CREB5: variants seen among roughly 807,000 people sequenced by gnomAD.
CREB5 encodes cyclic AMP-responsive element-binding protein 5.
A neutral mutation model predicts 57.1 loss-of-function variants in CREB5; 19 were observed. The ratio of observed to expected loss-of-function variants is 0.33; its 90% CI spans 0.23 to 0.49. The LOEUF (loss-of-function observed/expected upper bound fraction) is 0.49, where lower values mean the gene tolerates loss of function less well. Among genes scored for constraint, CREB5 ranks in the 20% least tolerant of loss-of-function variants. CREB5 has a pLI of 0.99. For missense variants in CREB5, 579 were observed against 671.6 expected (o/e 0.86, Z 1.52); for synonymous variants, 238 against 238.3 (o/e 1.00, Z 0.01).
At chr7:28,711,603 G>T (rs1022593866) in intron 5 of CREB5, among the ~76,000 whole-genome samples, 1 of 152,070 alleles carries the variant, frequency 6.6e-6, no homozygotes, top group African/African-American at 2.4e-5. Context: ...ATTTGTCATT[G>T]TTTTTAGGAA....
chr7:28,332,376 C>T (rs1003353186), intron 1 of CREB5, among the ~76,000 whole-genome samples: 2 of 152,192 alleles, frequency 1.3e-5, no homozygotes, highest in African/African-American at 2.4e-5. Flanking sequence ...TCTTTCTCCT[C>T]CACTCTACCC....
intron 5 of CREB5, among the ~76,000 whole-genome samples, chr7:28,694,522 C>T (rs571764256): frequency 6.6e-6 from 1 of 152,250 alleles, no homozygotes; most frequent in South Asian, 2.1e-4. Context: ...TCCAGAACTT[C>T]CTTAGTAGTA....
At chr7:28,398,732 G>A (rs1162985577) in intron 1 of CREB5, among the ~76,000 whole-genome samples, 2 of 152,016 alleles carry the variant, frequency 1.3e-5, no homozygotes, top group African/African-American at 4.8e-5. Flanking sequence ...TTATTTTTGA[G>A]ACAGGGTTTT....
intron 1 of CREB5, among the ~76,000 whole-genome samples, chr7:28,451,086 G>A (rs534201134): frequency 6.6e-6 from 1 of 152,300 alleles, no homozygotes; most frequent in African/African-American, 2.4e-5. Flanking sequence ...CACTGGCTGT[G>A]ATCTGGAAAA....
At chr7:28,445,577 A>T (rs1283451265) in intron 1 of CREB5, among the ~76,000 whole-genome samples, 1 of 151,616 alleles carries the variant, frequency 6.6e-6, no homozygotes, top group Non-Finnish European at 1.5e-5. Flanking sequence ...TTTGAGACGG[A>T]ATCTCGCTCT....
At chr7:28,643,759 G>C (rs989840091) in intron 5 of CREB5, among the ~76,000 whole-genome samples, 42 of 77,648 alleles carry the variant, frequency 5.4e-4, no homozygotes, top group African/African-American at 1.2e-3. Context: ...GGTGGGGGGG[G>C]GCGGAAGAAA....
chr7:28,586,499 A>G (rs1796312705), intron 5 of CREB5, among the ~76,000 whole-genome samples: 1 of 152,198 alleles, frequency 6.6e-6, no homozygotes, highest in South Asian at 2.1e-4. Flanking sequence ...CTCCAGCTGA[A>G]GTCTGACCTC....
At chr7:28,588,668 G>T (rs1796387535) in intron 5 of CREB5, among the ~76,000 whole-genome samples, 1 of 152,202 alleles carries the variant, frequency 6.6e-6, no homozygotes, top group Admixed American at 6.5e-5. Flanking sequence ...AGCCTTCCAA[G>T]TCTAGGTTCC....
At chr7:28,453,057 TG>T (rs1219203318) in intron 1 of CREB5, among the ~76,000 whole-genome samples, 1 of 152,236 alleles carries the variant, frequency 6.6e-6, no homozygotes, top group Non-Finnish European at 1.5e-5. Context: ...AGTAACTCTC[TG>T]GAAGGTTCTA....
intron 5 of CREB5, among the ~76,000 whole-genome samples, chr7:28,584,782 A>T (rs1446498936): frequency 1.8e-5 from 2 of 108,696 alleles, no homozygotes; most frequent in South Asian, 3.2e-4. Context: ...ATCGTGGTTA[A>T]AAAAAAAAAA....
At chr7:28,704,807 G>A (rs1802026035) in intron 5 of CREB5, among the ~76,000 whole-genome samples, 1 of 152,052 alleles carries the variant, frequency 6.6e-6, no homozygotes, top group South Asian at 2.1e-4. Flanking sequence ...GGGTTGAAAA[G>A]GCCCTTGAAG....
rs1033194611 is a variant in CREB5, at chr7:28,825,310, T to G, written c.*6031T>G. 6.6e-6 allele frequency: 1 copy of G among 152,244 alleles called. No homozygotes were observed. Among genetic ancestry groups the G allele is most frequent in the African/African-American group, 2.4e-5 (1 of 41,430 alleles). The allele number at this position is 152,244 out of a possible 1,614,324, so 9.4% of individuals were successfully genotyped here. A position where few individuals can be genotyped will look rare whatever the true frequency, so the allele number is the denominator to read the frequency against. On this transcript the variant is annotated 3_prime_UTR_variant, in exon 11 of 11. Coordinates refer to ENST00000357727, the MANE Select transcript of CREB5 (RefSeq NM_182898.4). Reference sequence around the variant, plus strand: ...GTTCTGCTAAATCACATCTGCCTCATAGAGAAAGGAATGTTGCCTTTGAGA... The same window carrying G: ...GTTCTGCTAAATCACATCTGCCTCAGAGAGAAAGGAATGTTGCCTTTGAGA...
intron 7 of CREB5, among the ~76,000 whole-genome samples, chr7:28,785,721 G>A (rs1346106032): frequency 3.3e-5 from 5 of 152,260 alleles, no homozygotes; most frequent in Admixed American, 2.6e-4. Flanking sequence ...CAGATCCAGG[G>A]CTTCTTAATG....
intron 1 of CREB5, among the ~76,000 whole-genome samples, chr7:28,420,821 A>G (rs898987086): frequency 1.3e-5 from 2 of 151,424 alleles, no homozygotes; most frequent in African/African-American, 4.9e-5. Flanking sequence ...AAAAAAAAAA[A>G]AAAAAAAAGG....
At chr7:28,400,087 G>T (rs1787426651) in intron 1 of CREB5, among the ~76,000 whole-genome samples, 1 of 139,840 alleles carries the variant, frequency 7.2e-6, no homozygotes, top group African/African-American at 2.6e-5. Context: ...ACACACACAC[G>T]TTTTGTGGGT....
chr7:28,529,620 A>G (rs535400579), intron 4 of CREB5, among the ~76,000 whole-genome samples: 45 of 152,262 alleles, frequency 3.0e-4, no homozygotes, highest in African/African-American at 1.1e-3. Flanking sequence ...AAAGAACAAA[A>G]ACTGTCTGTC....
chr7:28,395,549 A>G (rs1055092068), intron 1 of CREB5, among the ~76,000 whole-genome samples: 6 of 152,164 alleles, frequency 3.9e-5, no homozygotes, highest in African/African-American at 1.4e-4. Flanking sequence ...TCTTTTTCCA[A>G]CTGGCTTCCT....
At chr7:28,380,848 C>T (rs910446296) in intron 1 of CREB5, among the ~76,000 whole-genome samples, 6 of 152,096 alleles carry the variant, frequency 3.9e-5, no homozygotes, top group Non-Finnish European at 7.4e-5. Context: ...GGTACTACCT[C>T]GTGGGGTTGT....
intron 4 of CREB5, among the ~76,000 whole-genome samples, chr7:28,567,669 T>A (rs1214723359): frequency 6.6e-6 from 1 of 152,162 alleles, no homozygotes; most frequent in Non-Finnish European, 1.5e-5. Context: ...GCCTACATGA[T>A]GATTGATTCT....
Sources: gnomAD v4.1 joint callset for allele counts (sites outside exome capture counted in the v4.1 genomes callset) on GRCh38, gnomAD v4.1.1 for gene constraint, MANE v1.5 for transcripts, NCBI Gene and HGNC (gene_info 2026-07-23, HGNC 2026-07-21) for gene names.